The following PPP4R4 variants were observed in gnomAD, a reference collection of about 807,000 sequenced individuals.
PPP4R4 encodes the protein protein phosphatase 4 regulatory subunit 4.
In PPP4R4, 70 loss-of-function variants were observed where a neutral mutation model predicts 121.8. That is an observed-to-expected ratio of 0.57 (90% CI 0.47 to 0.70). PPP4R4 has a LOEUF of 0.70. Ranked by LOEUF, PPP4R4 falls within the 30% of genes least tolerant of loss-of-function variation. PPP4R4 has a pLI of 0.00. For missense variants in PPP4R4, 875 were observed against 1,033.6 expected (o/e 0.85, Z 2.10); for synonymous variants, 348 against 355.7 (o/e 0.98, Z 0.24).
At chr14:94,259,815 C>G (rs1418146912) in intron 19 of PPP4R4, among the ~76,000 whole-genome samples, 1 of 152,180 alleles carries the variant, frequency 6.6e-6, no homozygotes, top group Non-Finnish European at 1.5e-5. Flanking sequence ...GGTATTAATA[C>G]TATTTTTGGT....
At chr14:94,268,807 C>A (rs1366196836) in intron 23 of PPP4R4, among the ~76,000 whole-genome samples, 1 of 152,078 alleles carries the variant, frequency 6.6e-6, no homozygotes, top group African/African-American at 2.4e-5. Flanking sequence ...GAAAAATTCG[C>A]CCCCATGATT....
chr14:94,237,784 G>C, intron 8 of PPP4R4, 98 bp downstream of exon 8: 2 of 1,408,268 alleles, frequency 1.4e-6, no homozygotes, highest in South Asian at 2.7e-5. Flanking sequence ...AATTTCCTAT[G>C]TTAAGCCTCC....
intron 3 of PPP4R4, among the ~76,000 whole-genome samples, chr14:94,227,072 AT>A (rs1350731230): frequency 6.6e-6 from 1 of 152,220 alleles, no homozygotes; most frequent in Non-Finnish European, 1.5e-5. Context: ...TAAAGAGCGA[AT>A]TTAAACACAG....
At chr14:94,175,189 G>T (rs1236684569) in intron 1 of PPP4R4, among the ~76,000 whole-genome samples, 1 of 148,194 alleles carries the variant, frequency 6.7e-6, no homozygotes, top group Non-Finnish European at 1.5e-5. Flanking sequence ...GATCAAGCTC[G>T]GGTCCTTCTG....
At chr14:94,181,746 C>A (rs1038939019) in intron 2 of PPP4R4, among the ~76,000 whole-genome samples, 3 of 152,098 alleles carry the variant, frequency 2.0e-5, no homozygotes, top group African/African-American at 7.2e-5. Flanking sequence ...ACTTTAGTAG[C>A]AATTTTCTTT....
At chr14:94,269,678 A>AAAAC (rs1165288135) in intron 23 of PPP4R4, among the ~76,000 whole-genome samples, 26 of 152,126 alleles carry the variant, frequency 1.7e-4, no homozygotes, top group African/African-American at 3.1e-4. Flanking sequence ...AACAAAAACA[A>AAAAC]AAACAAACAA....
intron 7 of PPP4R4, among the ~76,000 whole-genome samples, chr14:94,235,556 C>T (rs573395851): frequency 4.5e-4 from 69 of 151,852 alleles, no homozygotes; most frequent in African/African-American, 1.5e-3. Context: ...CCCACCACCA[C>T]GCCCGGCTAA....
intron 2 of PPP4R4, among the ~76,000 whole-genome samples, chr14:94,184,459 C>G (rs954060096): frequency 1.3e-5 from 2 of 151,946 alleles, no homozygotes; most frequent in African/African-American, 4.8e-5. Context: ...GGGTCTTGCT[C>G]TATTGCCCAG....
intron 3 of PPP4R4, among the ~76,000 whole-genome samples, chr14:94,224,235 AT>A (rs1891572200): frequency 6.6e-6 from 1 of 152,160 alleles, no homozygotes; most frequent in South Asian, 2.1e-4. Flanking sequence ...AGCCCAAATT[AT>A]GCAGATCCTT....
chr14:94,278,049 A>G (rs951094416), intron 24 of PPP4R4, among the ~76,000 whole-genome samples: 1 of 152,184 alleles, frequency 6.6e-6, no homozygotes, highest in Non-Finnish European at 1.5e-5. Flanking sequence ...TCTTCTGTGA[A>G]ATAGTATCCA....
At chr14:94,251,930 G>T in intron 16 of PPP4R4, 34 bp downstream of exon 16, 24 of 1,528,684 alleles carry the variant, frequency 1.6e-5, no homozygotes, top group Non-Finnish European at 2.1e-5. Context: ...ATTGGAAATT[G>T]TATTTATTTT....
chr14:94,184,347 C>T (rs1386134573), intron 2 of PPP4R4, among the ~76,000 whole-genome samples: 2 of 152,062 alleles, frequency 1.3e-5, no homozygotes, highest in Non-Finnish European at 2.9e-5. Flanking sequence ...TAACCTTGAA[C>T]TTCTGGGCTC....
chr14:94,236,098 A>G (rs1413549264), intron 7 of PPP4R4, among the ~76,000 whole-genome samples: 1 of 152,128 alleles, frequency 6.6e-6, no homozygotes, highest in Admixed American at 6.5e-5. Context: ...ATGGTAGTGT[A>G]CTCTGTCCTG....
At chr14:94,246,895 T>G (rs887389049) in intron 14 of PPP4R4, among the ~76,000 whole-genome samples, 1 of 152,250 alleles carries the variant, frequency 6.6e-6, no homozygotes, top group East Asian at 1.9e-4. Context: ...GACCTTCTTC[T>G]GTTCTGATGT....
chr14:94,200,527 G>T (rs1890115852), intron 2 of PPP4R4, among the ~76,000 whole-genome samples: 1 of 152,130 alleles, frequency 6.6e-6, no homozygotes, highest in African/African-American at 2.4e-5. Context: ...TTATTGGTCT[G>T]TTCAGAGTTT....
At position 94,241,803 on chromosome 14, in the gene PPP4R4, A is replaced by G; in HGVS notation, c.992A>G (p.Asp331Gly). 2 of 1,588,460 alleles carry G rather than the reference A, an allele frequency of 1.3e-6. No homozygotes were observed. The highest frequency in any genetic ancestry group is 1.2e-5 in the South Asian group (1 of 84,876). ...CHGLYGIFTP[D>G]QHLRFLEFYK... The stretch of plus-strand genomic sequence containing the variant: ...TTTGTTTTAGGAATTTTCACTCCAG[A>G]TCAGCACTTGAGATTTTTGGAATTT... Residue 331 changes from aspartate to glycine, a missense_variant, in exon 10 of 25, where the codon GAT becomes GGT. Coordinates refer to ENST00000304338, the MANE Select transcript of PPP4R4 (RefSeq NM_058237.2).
intron 14 of PPP4R4, among the ~76,000 whole-genome samples, chr14:94,246,802 A>G (rs903438109): frequency 7.2e-5 from 11 of 152,172 alleles, no homozygotes; most frequent in African/African-American, 2.7e-4. Context: ...TATACTGCCA[A>G]GAACAGAGTA....
At chr14:94,244,782 C>T in intron 12 of PPP4R4, 70 bp downstream of exon 12, 2 of 1,367,664 alleles carry the variant, frequency 1.5e-6, no homozygotes, top group South Asian at 1.5e-5. Context: ...GCCTTTTCTC[C>T]CCTTCTTCTT....
intron 2 of PPP4R4, among the ~76,000 whole-genome samples, chr14:94,205,138 T>C (rs892389830): frequency 2.6e-4 from 40 of 152,172 alleles, no homozygotes; most frequent in Admixed American, 4.6e-4. Flanking sequence ...GTGTTAATTT[T>C]TCATTAAATG....
Sources: gnomAD v4.1 joint callset for allele counts (sites outside exome capture counted in the v4.1 genomes callset) on GRCh38, gnomAD v4.1.1 for gene constraint, MANE v1.5 for transcripts, NCBI Gene and HGNC (gene_info 2026-07-23, HGNC 2026-07-21) for gene names.